GFM2: variants seen among roughly 807,000 people sequenced by gnomAD.
GFM2 encodes the protein ribosome-releasing factor 2, mitochondrial.
Under a neutral mutation model 95.4 loss-of-function variants are expected in GFM2, and 72 were observed. The ratio of observed to expected loss-of-function variants is 0.76; its 90% confidence interval spans 0.62 to 0.92. GFM2 has a LOEUF of 0.92. GFM2 is among the 40% of genes least tolerant of loss of function. The pLI, the probability that GFM2 is intolerant of heterozygous loss-of-function variation, is 0.00. For missense variants in GFM2, 825 were observed against 924.1 expected, an observed-to-expected ratio of 0.89 and a Z score of 1.39; for synonymous variants, 276 against 317.5, an observed-to-expected ratio of 0.87 and a Z score of 1.39.
At chr5:74,742,194 C>T (rs1444771496) in intron 10 of GFM2, among the ~76,000 whole-genome samples, 2 of 148,268 alleles carry the variant, frequency 1.3e-5, no homozygotes, top group Non-Finnish European at 3.0e-5. Context: ...ATTCAGCTGA[C>T]AAATTAATAA....
intron 5 of GFM2, among the ~76,000 whole-genome samples, chr5:74,756,254 T>C (rs546062504): frequency 6.6e-6 from 1 of 152,118 alleles, no homozygotes; most frequent in Non-Finnish European, 1.5e-5. Flanking sequence ...GCCAACATTA[T>C]ACATATATGT....
At position 74,760,937 on chromosome 5, in the gene GFM2, T is replaced by C. The variant is rs1243414252; in HGVS notation, c.113A>G (p.His38Arg). 6.2e-7 allele frequency: 1 copy of C among 1,611,086 alleles called. No homozygotes were observed. Among genetic ancestry groups the C allele is most frequent in the African/African-American group, 1.3e-5 (1 of 74,826 alleles). Residue 38 changes from histidine (H) to arginine (R), a missense_variant, in exon 3 of 21, where the codon CAT (histidine) becomes CGT (arginine). Coordinates refer to ENST00000296805, the MANE Select transcript of GFM2 (RefSeq NM_032380.5). ...ACTGCAATTTCTTCCAAGCGGCACA[T>C]GTGGCTTTAATCTTTTTAAACTTGC... ...IRASLKRLKP[H>R]VPLGRNCSSL...
intron 17 of GFM2, among the ~76,000 whole-genome samples, chr5:74,727,727 A>C (rs1161694948): frequency 6.6e-5 from 10 of 152,142 alleles, no homozygotes; most frequent in African/African-American, 2.4e-4. Context: ...ACATAGCATG[A>C]TATTCCATTA....
intron 5 of GFM2, among the ~76,000 whole-genome samples, chr5:74,756,277 A>C (rs897035560): frequency 6.7e-6 from 1 of 150,010 alleles, no homozygotes. Flanking sequence ...ATATACATAC[A>C]TATACACATA....
Position 74,721,390 on chromosome 5 carries a change from G to GAAGGCTACTTATAGTAATAACTT in GFM2, c.*242_*264dup. The GAAGGCTACTTATAGTAATAACTT allele has an allele frequency of 2.8e-6, 2 of 722,616 alleles. No homozygotes were observed. Among genetic ancestry groups the GAAGGCTACTTATAGTAATAACTT allele is most frequent in the South Asian group, 3.0e-5 (2 of 66,548 alleles). 44.8% of individuals were successfully genotyped at this position (722,616 alleles called of 1,614,324 possible). On this transcript the variant is annotated 3_prime_UTR_variant, in exon 21 of 21. Transcript: ENST00000296805. ...CACAACTTTGTGATACCACTCTTCT[G>GAAGGCTACTTATAGTAATAACTT]AAGGCTACTTATAGTAATAACTTCA...
In GFM2 at chr5:74,721,735, CA is replaced by C; in HGVS notation, c.2259del (p.Phe753LeufsTer3). 1 of 1,613,600 alleles carries C rather than the reference CA, an allele frequency of 6.2e-7. No individual in the cohort carries two copies. Among genetic ancestry groups the C allele is most frequent in the Non-Finnish European group, 8.5e-7 (1 of 1,179,768 alleles). ...GCTTGATAAGTAGATAGTTCTAAGG[CA>C]AAAGTAGCTGAGCCTGATGTTAGCG... is the stretch of plus-strand genomic sequence containing the variant. ...LRTLTSGSATFALELSTYQAM... is the reference protein window; with the variant it reads ...LRTLTSGSATXALELSTYQAM... On this transcript the variant is annotated frameshift_variant, in exon 21 of 21. Coordinates refer to ENST00000296805, the MANE Select transcript of GFM2 (RefSeq NM_032380.5). LOFTEE classifies it high-confidence loss of function.
At chr5:74,746,224 A>G in intron 8 of GFM2, 59 bp from the exon 9 acceptor site, 1 of 938,594 alleles carries the variant, frequency 1.1e-6, no homozygotes, top group South Asian at 3.1e-5. Context: ...TACCAAAGGT[A>G]TCAAGAGAGG....
rs761313910 is a variant in GFM2, at chr5:74,741,655, T to G, written c.850-46A>C. On this transcript the variant is annotated intron_variant, in intron 10 of 20. Coordinates refer to ENST00000296805, the MANE Select transcript of GFM2 (RefSeq NM_032380.5). Reference sequence around the variant, plus strand: ...GTTCTATAACTTGCATTTACTTTCATTAACTATTAATTTGTCCAAACACCA... The same window carrying G: ...GTTCTATAACTTGCATTTACTTTCAGTAACTATTAATTTGTCCAAACACCA... 1.2e-5 allele frequency: 12 copies of G among 993,482 alleles called. No homozygotes were observed. In the Admixed American group the frequency reaches 2.3e-4, roughly 19 times the overall value. The allele number at this position is 993,482 out of a possible 1,614,324, so 61.5% of individuals were successfully genotyped here.
At chr5:74,760,794 G>A in intron 3 of GFM2, 108 bp downstream of exon 3, 2 of 748,172 alleles carry the variant, frequency 2.7e-6, no homozygotes, top group Non-Finnish European at 4.6e-6. Flanking sequence ...TAGCCAAGAA[G>A]TAAAAAATGG....
rs773615422 is a variant in GFM2, at chr5:74,750,605, C to G, written c.493G>C (p.Val165Leu). Reference sequence around the variant, plus strand: ...TCTACACCAGCAGAGGCATCAAATACAGCCACTGCACCATCCAACACTCTT... The same window carrying G: ...TCTACACCAGCAGAGGCATCAAATAGAGCCACTGCACCATCCAACACTCTT... ...CLRVLDGAVA[V>L]FDASAGVEAQ... The change falls in exon 7 of 21, where the codon GTA (valine) becomes CTA (leucine). Residue 165 changes from valine (V) to leucine (L), a missense_variant. Transcript: ENST00000296805. 2 of 1,612,510 alleles carry G rather than the reference C, an allele frequency of 1.2e-6. No homozygotes were observed. The highest frequency in any genetic ancestry group is 4.5e-5 in the East Asian group (2 of 44,862).
At chr5:74,756,341 A>G (rs1743980628) in intron 5 of GFM2, among the ~76,000 whole-genome samples, 1 of 151,954 alleles carries the variant, frequency 6.6e-6, no homozygotes, top group African/African-American at 2.4e-5. Flanking sequence ...ATGCAATACC[A>G]CCTTACTCCT....
In GFM2 at chr5:74,722,425, T is replaced by C; in HGVS notation, c.2165A>G (p.Gln722Arg). 1.2e-6 allele frequency: 2 copies of C among 1,614,036 alleles called. No homozygotes were observed. The change falls in exon 20 of 21, where the codon CAG becomes CGG. Residue 722 changes from glutamine (Q) to arginine (R), a missense_variant. Gln to Arg is a conservative substitution (Grantham distance 43, BLOSUM62 1). Coordinates refer to ENST00000296805, the MANE Select transcript of GFM2 (RefSeq NM_032380.5). ...RGNIQEIQTR[Q>R]DNKVVIGFVP... Reference sequence around the variant, plus strand: ...AAATCCAATAACAACTTTGTTGTCCTGGCGAGTCTGAATTTCCTGAATGTT... The same window carrying C: ...AAATCCAATAACAACTTTGTTGTCCCGGCGAGTCTGAATTTCCTGAATGTT...
chr5:74,757,697 C>G (rs1744061254), intron 5 of GFM2, among the ~76,000 whole-genome samples: 2 of 141,506 alleles, frequency 1.4e-5, no homozygotes, highest in African/African-American at 5.3e-5. Context: ...CCACTGCACT[C>G]CAGCCTGGGC....
At chr5:74,749,618 C>A (rs940234113) in intron 7 of GFM2, among the ~76,000 whole-genome samples, 15 of 152,236 alleles carry the variant, frequency 9.9e-5, no homozygotes, top group Admixed American at 9.8e-4. Flanking sequence ...TAGATACGTA[C>A]TATAAATACT....
At chr5:74,760,218 T>C (rs891588456) in intron 3 of GFM2, among the ~76,000 whole-genome samples, 4 of 152,298 alleles carry the variant, frequency 2.6e-5, no homozygotes, top group South Asian at 2.1e-4. Context: ...TCTATACTAC[T>C]ACAGTTAAAT....
At chr5:74,723,934 G>C (rs907034278) in intron 19 of GFM2, among the ~76,000 whole-genome samples, 51 of 152,246 alleles carry the variant, frequency 3.3e-4, no homozygotes, top group African/African-American at 1.1e-3. Context: ...TTTAGGTAGA[G>C]TAAAATATAA....
chr5:74,730,120 A>G (rs1742480077), intron 17 of GFM2, 140 bp downstream of exon 17: 1 of 782,210 alleles, frequency 1.3e-6, no homozygotes, highest in African/African-American at 1.8e-5. Flanking sequence ...ATCCTAAAAA[A>G]ACAAAAAAAC....
At chr5:74,752,782 A>G (rs1743783144) in intron 5 of GFM2, among the ~76,000 whole-genome samples, 1 of 152,190 alleles carries the variant, frequency 6.6e-6, no homozygotes, top group Non-Finnish European at 1.5e-5. Flanking sequence ...AAGAACTTCA[A>G]AAGATAGCCG....
In GFM2 at chr5:74,721,334, TTG is replaced by T; in HGVS notation, c.*319_*320del. 1.3e-6 allele frequency: 1 copy of T among 767,250 alleles called. No homozygotes were observed. The highest frequency in any genetic ancestry group is 2.3e-6 in the Non-Finnish European group (1 of 433,436). 47.5% of individuals were successfully genotyped at this position (767,250 alleles called of 1,614,324 possible). On this transcript the variant is annotated 3_prime_UTR_variant, in exon 21 of 21. Transcript: ENST00000296805. ...TACATTTAGAGGCCTGGCATCTTTCTTGTGAGACAAGCTTAAGGACACAAAAG... is the reference window on the plus strand; with the variant it reads ...TACATTTAGAGGCCTGGCATCTTTCTTGAGACAAGCTTAAGGACACAAAAG...
Sources: allele counts gnomAD v4.1 joint callset (sites outside exome capture counted in the v4.1 genomes callset), GRCh38; gene constraint gnomAD v4.1.1; transcripts MANE v1.5; gene names NCBI Gene and HGNC (gene_info 2026-07-23, HGNC 2026-07-21).